ZNF215: variants seen among roughly 807,000 people sequenced by gnomAD.
ZNF215 encodes the protein BWSCR2-associated zinc finger protein 2.
A neutral mutation model predicts 27.2 loss-of-function variants in ZNF215; 24 were observed. The ratio of observed to expected loss-of-function variants is 0.88; its 90% confidence interval spans 0.64 to 1.24. The LOEUF (loss-of-function observed/expected upper bound fraction) is 1.24, where lower values mean the gene tolerates loss of function less well. Ranked by LOEUF, ZNF215 falls within the 50% of genes most tolerant of loss-of-function variation. The pLI is 0.00. For synonymous variants in ZNF215, 210 were observed against 204.0 expected, an observed-to-expected ratio of 1.03 and a Z score of -0.25; for missense variants, 675 against 605.7, an observed-to-expected ratio of 1.11 and a Z score of -1.20.
At position 6,928,584 on chromosome 11, in the gene ZNF215, C is replaced by T. The variant is rs7933008; in HGVS notation, c.-180+777C>T. Among the ~76,000 whole-genome samples the T allele has an allele frequency of 6.2e-3, 937 of 152,124 alleles. 7 individuals carry two copies. Among genetic ancestry groups the T allele is most frequent in the African/African-American group, 0.02 (823 of 41,516 alleles). ...ACATTTAGTTTTGGAGTTCTCGTTT[C>T]GGATGTCTTTTGAGTTTTATGTAGT... On this transcript the variant is annotated intron_variant, in intron 2 of 6. Coordinates refer to ENST00000278319, the MANE Select transcript of ZNF215 (RefSeq NM_013250.4).
At position 6,932,524 on chromosome 11, in the gene ZNF215, G is replaced by A. The variant is rs2133157339; in HGVS notation, c.252G>A (p.Lys84=). The A allele has an allele frequency of 1.2e-6, 2 of 1,614,180 alleles. No homozygotes were observed. The highest frequency in any genetic ancestry group is 1.7e-6 in the Non-Finnish European group (2 of 1,180,034). ...LQWLRPEIHT[K]KQIIELLVLE... ...GGCTGAGACCAGAGATTCATACAAAGAAGCAGATTATAGAACTGTTGGTGC... is the reference window on the plus strand; with the variant it reads ...GGCTGAGACCAGAGATTCATACAAAAAAGCAGATTATAGAACTGTTGGTGC... The change falls in exon 3 of 7, where the codon AAG becomes AAA. Residue 84 remains lysine, a synonymous_variant. Transcript: ENST00000278319.
downstream of ZNF215, chr11:6,988,788 AC>A (rs1564981113): frequency 3.9e-5 from 6 of 152,200 alleles, no homozygotes; most frequent in Admixed American, 3.3e-4. Flanking sequence ...TGTTTTCACT[AC>A]AAAACACTCA....
chr11:6,948,227 T>C (rs1240187170), intron 6 of ZNF215, among the ~76,000 whole-genome samples: 1 of 152,138 alleles, frequency 6.6e-6, no homozygotes, highest in Non-Finnish European at 1.5e-5. Context: ...ATATATTTAC[T>C]CTCTCATAAT....
At chr11:6,975,208 A>G (rs149852741) in intron 5 of ZNF215, among the ~76,000 whole-genome samples, 550 of 152,098 alleles carry the variant, frequency 3.6e-3, no homozygotes, top group Admixed American at 5.8e-3. Context: ...ATTGATTTGC[A>G]TATGTTGAAC....
chr11:6,948,288 C>T (rs1247017575), intron 6 of ZNF215, among the ~76,000 whole-genome samples: 1 of 152,164 alleles, frequency 6.6e-6, no homozygotes, highest in Non-Finnish European at 1.5e-5. Context: ...AGTCTAGGAT[C>T]TCATCTAAAT....
At chr11:6,939,434 G>A (rs768555712) in intron 3 of ZNF215, among the ~76,000 whole-genome samples, 11 of 152,074 alleles carry the variant, frequency 7.2e-5, no homozygotes, top group Non-Finnish European at 1.2e-4. Flanking sequence ...AAATGAATGC[G>A]CAATAGCTTA....
chr11:6,929,777 C>T (rs1212755791), intron 2 of ZNF215, among the ~76,000 whole-genome samples: 1 of 151,534 alleles, frequency 6.6e-6, no homozygotes, highest in Non-Finnish European at 1.5e-5. Flanking sequence ...TACCTTCCCC[C>T]TCCCCCCACC....
chr11:6,937,600 A>G (rs1392837954), intron 3 of ZNF215, among the ~76,000 whole-genome samples: 2 of 150,848 alleles, frequency 1.3e-5, no homozygotes, highest in African/African-American at 4.9e-5. Context: ...AGATAGTTTT[A>G]GAATGTATAC....
intron 1 of ZNF215, among the ~76,000 whole-genome samples, chr11:6,927,047 C>T (rs1849076854): frequency 6.6e-6 from 1 of 152,142 alleles, no homozygotes; most frequent in East Asian, 1.9e-4. Context: ...CTCTTCCACT[C>T]TGCAATAGGG....
Position 6,932,382 on chromosome 11 carries a change from C to A in ZNF215, c.110C>A (p.Pro37His). 6.2e-7 allele frequency: 1 copy of A among 1,614,158 alleles called. No homozygotes were observed. Among genetic ancestry groups the A allele is most frequent in the South Asian group, 1.1e-5 (1 of 91,076 alleles). ...ADMSWQQETN[P>H]VVETHDSEAS... is the part of the protein sequence containing the mutation. ...ATGTCTTGGCAGCAGGAAACCAACC[C>A]CGTCGTGGAGACACATGACTCTGAG... Residue 37 changes from proline (P) to histidine (H), a missense_variant, in exon 3 of 7, where the codon CCC becomes CAC. Pro to His is a moderately conservative substitution (Grantham distance 77). Coordinates refer to ENST00000278319, the MANE Select transcript of ZNF215 (RefSeq NM_013250.4).
chr11:6,992,835 G>A (rs11041127), downstream of ZNF215, among the ~76,000 whole-genome samples: 21,879 of 152,070 alleles, frequency 0.14, 1,563 homozygotes, highest in Middle Eastern at 0.19. Flanking sequence ...GGAGAGCTAC[G>A]GTAATACTAT....
chr11:6,954,926 T>C (rs1850264847), intron 6 of ZNF215, among the ~76,000 whole-genome samples: 1 of 152,152 alleles, frequency 6.6e-6, no homozygotes, highest in African/African-American at 2.4e-5. Context: ...ATATAGAGTA[T>C]ACAGAGTATA....
chr11:6,957,067 TGTC>T lies in ZNF215; in HGVS notation c.*537_*539del. On this transcript the variant is annotated 3_prime_UTR_variant, in exon 7 of 7. Transcript: ENST00000278319. Reference sequence around the variant, plus strand: ...CTCCACTCCTGACAATACCCTTTGTTGTCTTGCTGTTGAATGGAGACTAGAGTT... The same window carrying T: ...CTCCACTCCTGACAATACCCTTTGTTTTGCTGTTGAATGGAGACTAGAGTT... The T allele has an allele frequency of 1.0e-6, 1 of 985,864 alleles. No individual in the cohort carries two copies. Among genetic ancestry groups the T allele is most frequent in the Non-Finnish European group, 1.2e-6 (1 of 830,240 alleles). The allele number at this position is 985,864 out of a possible 1,614,324, so 61.1% of individuals were successfully genotyped here.
intron 3 of ZNF215, among the ~76,000 whole-genome samples, chr11:6,937,776 T>C (rs1353296756): frequency 6.6e-6 from 1 of 151,908 alleles, no homozygotes; most frequent in African/African-American, 2.4e-5. Flanking sequence ...CAAATATTGC[T>C]GGGACCCCTT....
At chr11:6,954,815 C>A (rs199944324) in intron 6 of ZNF215, among the ~76,000 whole-genome samples, 1 of 152,294 alleles carries the variant, frequency 6.6e-6, no homozygotes, top group African/African-American at 2.4e-5. Context: ...AGAAGTCACC[C>A]GTCTTCTGCG....
At chr11:6,945,987 C>G (rs1321516006) in intron 6 of ZNF215, among the ~76,000 whole-genome samples, 1 of 152,242 alleles carries the variant, frequency 6.6e-6, no homozygotes, top group East Asian at 1.9e-4. Context: ...TTCTACTCTT[C>G]TATTATTCCC....
intron 3 of ZNF215, among the ~76,000 whole-genome samples, chr11:6,935,450 A>C (rs1849400964): frequency 6.6e-6 from 1 of 152,212 alleles, no homozygotes; most frequent in Non-Finnish European, 1.5e-5. Context: ...TCACAAGCTG[A>C]CCAGTAAGCT....
downstream of ZNF215, among the ~76,000 whole-genome samples, chr11:6,961,546 T>TG (rs1269130436): frequency 2.0e-5 from 3 of 152,156 alleles, no homozygotes; most frequent in African/African-American, 4.8e-5. Flanking sequence ...TTACCTTCAC[T>TG]GTCACCAGGA....
chr11:6,956,385 TC>T lies in ZNF215; in HGVS notation c.1410del (p.Phe471SerfsTer12). 6.2e-7 allele frequency: 1 copy of T among 1,614,100 alleles called. No homozygotes were observed. Among genetic ancestry groups the T allele is most frequent in the Non-Finnish European group, 8.5e-7 (1 of 1,180,004 alleles). On this transcript the variant is annotated frameshift_variant, in exon 7 of 7. Coordinates refer to ENST00000278319, the MANE Select transcript of ZNF215 (RefSeq NM_013250.4). LOFTEE classifies it low-confidence loss of function (END_TRUNC). ...NFYQCVNCGK[S>X]FNRSSSLIRH... Reference sequence around the variant, plus strand: ...CTATCAATGTGTTAACTGTGGAAAATCCTTCAACCGGAGCTCCTCTCTTATT... The same window carrying T: ...CTATCAATGTGTTAACTGTGGAAAATCTTCAACCGGAGCTCCTCTCTTATT...
Sources: gnomAD v4.1 joint callset for allele counts (sites outside exome capture counted in the v4.1 genomes callset) on GRCh38, gnomAD v4.1.1 for gene constraint, MANE v1.5 for transcripts, NCBI Gene and HGNC (gene_info 2026-07-23, HGNC 2026-07-21) for gene names.